The following ASB3 variants were observed in gnomAD, a reference collection of about 807,000 sequenced individuals.
The protein encoded by ASB3 is ankyrin repeat and SOCS box containing 3, also known as ankyrin repeat and SOCS box protein 3.
In ASB3, 41 loss-of-function variants were observed where a neutral mutation model predicts 54.5. The ratio of observed to expected loss-of-function variants is 0.75; its 90% CI spans 0.59 to 0.98. The LOEUF is 0.98. ASB3 is among the 50% of genes least tolerant of loss of function. ASB3 has a pLI of 0.00. For missense variants in ASB3, 733 were observed against 620.0 expected (o/e 1.18, Z -1.94); for synonymous variants, 266 against 221.2 (o/e 1.20, Z -1.80).
intron 5 of ASB3, among the ~76,000 whole-genome samples, chr2:53,722,513 T>C (rs1405959345): frequency 6.6e-6 from 1 of 152,204 alleles, no homozygotes; most frequent in African/African-American, 2.4e-5. Flanking sequence ...GAAACAAGGT[T>C]GGTTCCATAT....
chr2:53,721,656 GAAAT>G (rs1431818678), intron 5 of ASB3, among the ~76,000 whole-genome samples: 2 of 151,912 alleles, frequency 1.3e-5, no homozygotes, highest in East Asian at 3.8e-4. Context: ...AAAATTCTTT[GAAAT>G]AAATAAAAAC....
At chr2:53,784,451 C>T (rs1342030268) in intron 1 of ASB3, among the ~76,000 whole-genome samples, 4 of 152,180 alleles carry the variant, frequency 2.6e-5, no homozygotes, top group Non-Finnish European at 5.9e-5. Context: ...CAAATGACCA[C>T]AAACTGAGCA....
chr2:53,744,439 G>T (rs1265251344), intron 3 of ASB3, among the ~76,000 whole-genome samples: 1 of 151,390 alleles, frequency 6.6e-6, no homozygotes, highest in Non-Finnish European at 1.5e-5. Context: ...ATATAAAGTT[G>T]TATCAAGAAC....
At chr2:53,719,772 T>C (rs1418878936) in intron 5 of ASB3, among the ~76,000 whole-genome samples, 1 of 152,220 alleles carries the variant, frequency 6.6e-6, no homozygotes, top group African/African-American at 2.4e-5. Context: ...AAAGTAAACC[T>C]GTCTTTAACT....
At chr2:53,731,679 G>C (rs1228245307) in intron 3 of ASB3, among the ~76,000 whole-genome samples, 2 of 152,056 alleles carry the variant, frequency 1.3e-5, no homozygotes, top group Non-Finnish European at 2.9e-5. Context: ...TTTGAGACAA[G>C]CCTCGCTCTG....
intron 3 of ASB3, among the ~76,000 whole-genome samples, chr2:53,737,918 T>G (rs1227931572): frequency 6.6e-6 from 1 of 152,020 alleles, no homozygotes; most frequent in Non-Finnish European, 1.5e-5. Flanking sequence ...GTATATTAAT[T>G]GAAAAATGAT....
chr2:53,779,096 A>G (rs1674510870), intron 1 of ASB3, among the ~76,000 whole-genome samples: 2 of 152,196 alleles, frequency 1.3e-5, no homozygotes. Flanking sequence ...TTGGGGTGAT[A>G]TCTCATAGTG....
intron 1 of ASB3, chr2:53,767,208 T>C (rs1445596807): frequency 2.0e-5 from 3 of 152,178 alleles, no homozygotes; most frequent in Non-Finnish European, 4.4e-5. Flanking sequence ...ATGATAATAC[T>C]AAAGATGAAT....
intron 7 of ASB3, among the ~76,000 whole-genome samples, chr2:53,710,537 A>C (rs180793922): frequency 1.4e-4 from 21 of 152,326 alleles, no homozygotes; most frequent in Non-Finnish European, 2.8e-4. Context: ...TCAGTTCTTC[A>C]TATGTCAAAT....
At chr2:53,750,099 G>C (rs761659117) in intron 3 of ASB3, among the ~76,000 whole-genome samples, 6 of 152,004 alleles carry the variant, frequency 3.9e-5, no homozygotes, top group African/African-American at 1.4e-4. Flanking sequence ...CAAATTACAT[G>C]TGGCAGGACC....
intron 3 of ASB3, among the ~76,000 whole-genome samples, chr2:53,743,429 C>T (rs1213261924): frequency 2.0e-5 from 3 of 152,096 alleles, no homozygotes; most frequent in Non-Finnish European, 4.4e-5. Context: ...GCCAAAATAA[C>T]TGGTGATAAA....
At chr2:53,703,301 T>C (rs548403556) in intron 7 of ASB3, among the ~76,000 whole-genome samples, 4 of 152,340 alleles carry the variant, frequency 2.6e-5, no homozygotes, top group African/African-American at 9.6e-5. Context: ...CAAAAACTGC[T>C]TTTGTTGCAG....
intron 1 of ASB3, among the ~76,000 whole-genome samples, chr2:53,780,415 G>A (rs568748507): frequency 1.6e-4 from 24 of 152,146 alleles, no homozygotes; most frequent in African/African-American, 5.8e-4. Context: ...CGGCTATCAA[G>A]AATCATATTT....
chr2:53,755,287 T>C (rs1672754009), intron 2 of ASB3, among the ~76,000 whole-genome samples: 1 of 152,168 alleles, frequency 6.6e-6, no homozygotes, highest in South Asian at 2.1e-4. Flanking sequence ...ACACTGCCAA[T>C]GGAACCACAC....
At chr2:53,779,368 C>G (rs1674521869) in intron 1 of ASB3, among the ~76,000 whole-genome samples, 1 of 152,162 alleles carries the variant, frequency 6.6e-6, no homozygotes, top group Non-Finnish European at 1.5e-5. Flanking sequence ...AAACCAACAA[C>G]TATTCTCTAA....
At chr2:53,743,794 G>A (rs1271504466) in intron 3 of ASB3, among the ~76,000 whole-genome samples, 1 of 152,212 alleles carries the variant, frequency 6.6e-6, no homozygotes, top group Non-Finnish European at 1.5e-5. Context: ...TGTAATCCCA[G>A]TTCTTCGGGA....
intron 9 of ASB3, among the ~76,000 whole-genome samples, chr2:53,684,962 A>T (rs1159968167): frequency 6.6e-6 from 1 of 152,166 alleles, no homozygotes; most frequent in Non-Finnish European, 1.5e-5. Flanking sequence ...AGAGGATCTT[A>T]ATGTCTTGGA....
intron 1 of ASB3, chr2:53,774,676 G>T: frequency 1.7e-6 from 1 of 573,134 alleles, no homozygotes. Flanking sequence ...AAAATATTGG[G>T]ATACAGTGAA....
chr2:53,697,219 A>C (rs146830840), intron 8 of ASB3, among the ~76,000 whole-genome samples: 62 of 152,344 alleles, frequency 4.1e-4, no homozygotes, highest in African/African-American at 1.3e-3. Context: ...ATGCCATGGA[A>C]ACTTCAGGAA....
Sources: allele counts gnomAD v4.1 joint callset (sites outside exome capture counted in the v4.1 genomes callset), GRCh38; gene constraint gnomAD v4.1.1; transcripts MANE v1.5; gene names NCBI Gene and HGNC (gene_info 2026-07-23, HGNC 2026-07-21).